The following FRMPD2 variants were observed in gnomAD, a reference collection of about 807,000 sequenced individuals.
FRMPD2 encodes the protein FERM and PDZ domain-containing protein 2.
FRMPD2 carries 96 observed loss-of-function variants against 140.1 expected under a neutral mutation model. That is an observed-to-expected ratio of 0.69 (90% CI 0.58 to 0.81). FRMPD2 has a LOEUF of 0.81. Among genes scored for constraint, FRMPD2 ranks in the 40% least tolerant of loss-of-function variants. The pLI, the probability that FRMPD2 is intolerant of heterozygous loss-of-function variation, is 0.00. For missense variants in FRMPD2, 1,240 were observed against 1,447.4 expected, an observed-to-expected ratio of 0.86 and a Z score of 2.32; for synonymous variants, 449 against 547.6, an observed-to-expected ratio of 0.82 and a Z score of 2.52.
At chr10:48,206,982 A>G (rs775973919) in intron 13 of FRMPD2, 49 bp from the exon 14 acceptor site, 1 of 1,562,226 alleles carries the variant, frequency 6.4e-7, no homozygotes, top group Non-Finnish European at 8.7e-7. Flanking sequence ...ATGGTTTAAA[A>G]TAATGGGCCT....
chr10:48,166,474 C>T (rs1838102783), intron 27 of FRMPD2, among the ~76,000 whole-genome samples: 1 of 94,582 alleles, frequency 1.1e-5, no homozygotes, highest in Admixed American at 9.3e-5. Context: ...CTTAACCCTC[C>T]GTGCCAGCCC....
chr10:48,212,576 GTT>G (rs60658865), intron 12 of FRMPD2, among the ~76,000 whole-genome samples: 34 of 150,352 alleles, frequency 2.3e-4, no homozygotes, highest in African/African-American at 8.3e-4. Flanking sequence ...ACTCTATGTT[GTT>G]TTTTTTTTAA....
chr10:48,228,365 A>G (rs1290591186), intron 10 of FRMPD2, among the ~76,000 whole-genome samples: 1 of 151,856 alleles, frequency 6.6e-6, no homozygotes, highest in Non-Finnish European at 1.5e-5. Context: ...TACTTAAAAC[A>G]TTACAGTTAT....
chr10:48,196,686 C>T (rs552797185), intron 15 of FRMPD2, among the ~76,000 whole-genome samples: 16 of 152,230 alleles, frequency 1.1e-4, no homozygotes, highest in Admixed American at 5.2e-4. Flanking sequence ...GGTCAGTTCT[C>T]GGCTGCATGT....
chr10:48,191,133 A>T (rs968314006), intron 16 of FRMPD2, among the ~76,000 whole-genome samples: 7 of 152,204 alleles, frequency 4.6e-5, no homozygotes, highest in Admixed American at 3.3e-4. Context: ...GAGAACTGAC[A>T]GCTTCTTTTT....
intron 3 of FRMPD2, among the ~76,000 whole-genome samples, chr10:48,248,095 T>C (rs934281317): frequency 5.3e-5 from 8 of 152,122 alleles, no homozygotes; most frequent in African/African-American, 1.9e-4. Context: ...GGAAAGCAGC[T>C]CCCATTCCAG....
At chr10:48,176,532 GTGTT>G (rs1473416074) in intron 22 of FRMPD2, among the ~76,000 whole-genome samples, 2 of 150,794 alleles carry the variant, frequency 1.3e-5, no homozygotes, top group Non-Finnish European at 3.0e-5. Flanking sequence ...ACGGGTTTGA[GTGTT>G]TTTCATGTGT....
intron 16 of FRMPD2, among the ~76,000 whole-genome samples, chr10:48,190,757 G>A (rs189232010): frequency 4.9e-4 from 74 of 152,244 alleles, no homozygotes; most frequent in South Asian, 1.5e-3. Flanking sequence ...CGAATATTAC[G>A]GAGGGCGCCA....
chr10:48,196,882 G>A (rs1007217033), intron 15 of FRMPD2, among the ~76,000 whole-genome samples: 4 of 152,168 alleles, frequency 2.6e-5, no homozygotes, highest in African/African-American at 9.7e-5. Flanking sequence ...AAATAGGCCT[G>A]AAAGGACTAA....
intron 8 of FRMPD2, 128 bp downstream of exon 8, chr10:48,237,863 C>G (rs1259187827): frequency 2.6e-6 from 3 of 1,143,080 alleles, no homozygotes; most frequent in African/African-American, 3.1e-5. Flanking sequence ...TTAGTCCAAT[C>G]CTATAAACCT....
chr10:48,253,042 A>G (rs1306087984), intron 1 of FRMPD2, among the ~76,000 whole-genome samples: 5 of 152,168 alleles, frequency 3.3e-5, no homozygotes, highest in Non-Finnish European at 4.4e-5. Flanking sequence ...AAGAAGGGGG[A>G]AGAAGAAGAC....
intron 10 of FRMPD2, among the ~76,000 whole-genome samples, chr10:48,228,405 T>C (rs984054817): frequency 2.0e-5 from 3 of 151,882 alleles, no homozygotes; most frequent in African/African-American, 7.2e-5. Context: ...TGAATATTCA[T>C]TTAATAGACC....
chr10:48,185,772 A>G (rs1265169180), intron 17 of FRMPD2, 127 bp from the exon 18 acceptor site: 3 of 705,694 alleles, frequency 4.3e-6, no homozygotes, highest in Non-Finnish European at 5.1e-6. Flanking sequence ...AATCCTGAAA[A>G]CAAAAGTAGC....
chr10:48,227,703 C>G (rs1839755618), intron 10 of FRMPD2, among the ~76,000 whole-genome samples: 1 of 152,050 alleles, frequency 6.6e-6, no homozygotes, highest in Non-Finnish European at 1.5e-5. Context: ...TTTAGAGAGC[C>G]CTCATCATGA....
At chr10:48,185,470 C>T in intron 18 of FRMPD2, 83 bp downstream of exon 18, 2 of 909,326 alleles carry the variant, frequency 2.2e-6, no homozygotes, top group South Asian at 1.3e-5. Flanking sequence ...GGGGAGTAGG[C>T]AAGTTGAAAG....
At chr10:48,257,999 G>A (rs947804990) in intron 1 of FRMPD2, among the ~76,000 whole-genome samples, 17 of 152,296 alleles carry the variant, frequency 1.1e-4, no homozygotes, top group African/African-American at 3.9e-4. Context: ...TTCAACCTTA[G>A]CAAAATGCCT....
intron 16 of FRMPD2, among the ~76,000 whole-genome samples, chr10:48,192,306 G>T (rs1352011552): frequency 6.6e-6 from 1 of 152,166 alleles, no homozygotes; most frequent in Non-Finnish European, 1.5e-5. Context: ...TCTTGGCCAG[G>T]CTTGGTGGCT....
At chr10:48,239,756 C>T (rs1840059898) in intron 6 of FRMPD2, 64 bp from the exon 7 acceptor site, 1 of 1,165,992 alleles carries the variant, frequency 8.6e-7, no homozygotes, top group Admixed American at 1.7e-5. Flanking sequence ...TTAAATCAGG[C>T]ATCTCAGAGC....
intron 2 of FRMPD2, 67 bp downstream of exon 2, chr10:48,251,499 C>T: frequency 3.1e-6 from 5 of 1,592,870 alleles, no homozygotes; most frequent in Non-Finnish European, 4.3e-6. Flanking sequence ...GCAGCCAGAA[C>T]TGTGTTTGTG....
Sources: allele counts gnomAD v4.1 joint callset (sites outside exome capture counted in the v4.1 genomes callset), GRCh38; gene constraint gnomAD v4.1.1; transcripts MANE v1.5; gene names NCBI Gene and HGNC (gene_info 2026-07-23, HGNC 2026-07-21).